The following EPHA6 variants were observed in gnomAD, a reference collection of about 807,000 sequenced individuals.
The protein encoded by EPHA6 is EPH receptor A6.
EPHA6 carries 50 observed loss-of-function variants against 112.0 expected under a neutral mutation model. The ratio of observed to expected loss-of-function variants is 0.45; its 90% confidence interval spans 0.36 to 0.56. The LOEUF (loss-of-function observed/expected upper bound fraction) is 0.56, where lower values mean the gene tolerates loss of function less well. Among genes scored for constraint, EPHA6 ranks in the 20% least tolerant of loss-of-function variants. The pLI is 0.00. For missense variants in EPHA6, 1,280 were observed against 1,417.4 expected, an observed-to-expected ratio of 0.90 and a Z score of 1.56; for synonymous variants, 529 against 490.7, an observed-to-expected ratio of 1.08 and a Z score of -1.03.
At chr3:96,868,398 G>C (rs952752973) in intron 2 of EPHA6, among the ~76,000 whole-genome samples, 1 of 151,748 alleles carries the variant, frequency 6.6e-6, no homozygotes, top group African/African-American at 2.4e-5. Flanking sequence ...TGGGAAAGAG[G>C]CTACTGAAAA....
At chr3:96,982,113 C>T (rs1453413097) in intron 2 of EPHA6, among the ~76,000 whole-genome samples, 5 of 152,032 alleles carry the variant, frequency 3.3e-5, no homozygotes, top group African/African-American at 1.2e-4. Context: ...AATGTGTTTG[C>T]TCTTGCTTTT....
chr3:97,181,155 G>C (rs993793900), intron 3 of EPHA6, among the ~76,000 whole-genome samples: 1 of 152,092 alleles, frequency 6.6e-6, no homozygotes, highest in African/African-American at 2.4e-5. Context: ...TAACAAGATA[G>C]CACTGAGTAC....
At chr3:97,600,569 A>T (rs1434053514) in intron 12 of EPHA6, among the ~76,000 whole-genome samples, 3 of 152,094 alleles carry the variant, frequency 2.0e-5, no homozygotes, top group African/African-American at 7.2e-5. Flanking sequence ...CTCAGCCATT[A>T]TTTAACCTTC....
intron 1 of EPHA6, among the ~76,000 whole-genome samples, chr3:96,820,826 A>T (rs182686491): frequency 1.3e-4 from 20 of 152,184 alleles, no homozygotes; most frequent in Non-Finnish European, 2.5e-4. Context: ...GAACGACTGT[A>T]CAAGTATGTA....
intron 1 of EPHA6, among the ~76,000 whole-genome samples, chr3:96,826,703 G>A (rs895349642): frequency 1.3e-5 from 2 of 151,212 alleles, no homozygotes; most frequent in Non-Finnish European, 3.0e-5. Context: ...TATATCTCAC[G>A]TTATTTCCAA....
rs181061292 is a variant in EPHA6, at chr3:97,478,468, A to C, written c.2004-826A>C. The stretch of plus-strand genomic sequence containing the variant: ...ACTTCAAAGGAGAATTTAATGATGA[A>C]GAAAAATTTGTGCTAAATTATTTTC... On this transcript the variant is annotated intron_variant, in intron 8 of 17. Coordinates refer to ENST00000389672, the MANE Select transcript of EPHA6 (RefSeq NM_001080448.3). Among the ~76,000 whole-genome samples, 12 of 152,250 alleles carry C rather than the reference A, an allele frequency of 7.9e-5. No homozygotes were observed. In the East Asian group the frequency reaches 1.9e-3, roughly 24 times the overall value.
chr3:96,935,410 A>G (rs1280266472), intron 2 of EPHA6, among the ~76,000 whole-genome samples: 1 of 151,446 alleles, frequency 6.6e-6, no homozygotes, highest in South Asian at 2.1e-4. Context: ...ACATTTACAC[A>G]TATTTTAACT....
intron 3 of EPHA6, among the ~76,000 whole-genome samples, chr3:97,052,140 A>G (rs2045702562): frequency 6.6e-6 from 1 of 152,132 alleles, no homozygotes; most frequent in South Asian, 2.1e-4. Flanking sequence ...AGGTGACCAA[A>G]CTGGGATTTG....
At chr3:97,581,771 C>T (rs1262645336) in intron 11 of EPHA6, among the ~76,000 whole-genome samples, 1 of 152,240 alleles carries the variant, frequency 6.6e-6, no homozygotes, top group Non-Finnish European at 1.5e-5. Context: ...GTGCTCTTCC[C>T]ATTGCAGCTT....
intron 13 of EPHA6, among the ~76,000 whole-genome samples, chr3:97,633,758 A>G (rs1427349177): frequency 6.6e-6 from 1 of 152,136 alleles, no homozygotes; most frequent in African/African-American, 2.4e-5. Flanking sequence ...AAGGAAACCA[A>G]TATGTCCTAA....
chr3:96,941,851 G>T (rs1342214648), intron 2 of EPHA6, among the ~76,000 whole-genome samples: 1 of 152,206 alleles, frequency 6.6e-6, no homozygotes, highest in Non-Finnish European at 1.5e-5. Context: ...GTTCGAGTTT[G>T]CTAGAGGTCC....
chr3:96,980,658 A>G (rs2042729430), intron 2 of EPHA6, among the ~76,000 whole-genome samples: 1 of 152,030 alleles, frequency 6.6e-6, no homozygotes, highest in South Asian at 2.1e-4. Flanking sequence ...GGCCATTTTC[A>G]TGATATTGAT....
chr3:97,455,759 G>T (rs2107354108), intron 7 of EPHA6, among the ~76,000 whole-genome samples: 1 of 151,932 alleles, frequency 6.6e-6, no homozygotes. Context: ...AAATAATGCA[G>T]TTAGTGTGAT....
intron 2 of EPHA6, among the ~76,000 whole-genome samples, chr3:96,912,689 G>T (rs556915090): frequency 2.0e-4 from 30 of 152,206 alleles, no homozygotes; most frequent in Admixed American, 1.8e-3. Flanking sequence ...CTGGGTTTAA[G>T]CAGTCTTCCT....
chr3:97,734,215 C>T (rs1487413308), intron 15 of EPHA6, among the ~76,000 whole-genome samples: 2 of 152,060 alleles, frequency 1.3e-5, no homozygotes, highest in South Asian at 2.1e-4. Flanking sequence ...TTATTCCATG[C>T]ATTTATAATT....
At chr3:96,908,299 T>A (rs2039041720) in intron 2 of EPHA6, among the ~76,000 whole-genome samples, 1 of 152,016 alleles carries the variant, frequency 6.6e-6, no homozygotes, top group Admixed American at 6.6e-5. Context: ...TACTTATTTA[T>A]TTAACTAACT....
intron 14 of EPHA6, chr3:97,646,088 A>C: frequency 6.7e-7 from 1 of 1,494,584 alleles, no homozygotes; most frequent in East Asian, 2.5e-5. Flanking sequence ...CAGAATAGGC[A>C]TTTTCCATTA....
chr3:97,345,076 G>A (rs549712338), intron 5 of EPHA6, among the ~76,000 whole-genome samples: 26 of 150,744 alleles, frequency 1.7e-4, no homozygotes, highest in Admixed American at 1.6e-3. Flanking sequence ...GAAGCCAAAT[G>A]AGGGGAAAAA....
intron 12 of EPHA6, among the ~76,000 whole-genome samples, chr3:97,598,312 T>C (rs1034513717): frequency 2.0e-5 from 3 of 151,670 alleles, no homozygotes; most frequent in Non-Finnish European, 4.4e-5. Flanking sequence ...ATGTGCACAT[T>C]GTGCAGGTTA....
Sources: allele counts gnomAD v4.1 joint callset (sites outside exome capture counted in the v4.1 genomes callset), GRCh38; gene constraint gnomAD v4.1.1; transcripts MANE v1.5; gene names NCBI Gene and HGNC (gene_info 2026-07-23, HGNC 2026-07-21).